The following DEPDC5 variants were observed in gnomAD, a reference collection of about 807,000 sequenced individuals.
The protein encoded by DEPDC5 is GATOR1 complex protein DEPDC5.
A neutral mutation model predicts 217.3 loss-of-function variants in DEPDC5; 73 were observed. That is an observed-to-expected ratio of 0.34 (90% CI 0.28 to 0.41). The LOEUF (loss-of-function observed/expected upper bound fraction) is 0.41, where lower values mean the gene tolerates loss of function less well. Ranked by LOEUF, DEPDC5 falls within the 10% of genes least tolerant of loss-of-function variation. The pLI, the probability that DEPDC5 is intolerant of heterozygous loss-of-function variation, is 1.00. For missense variants in DEPDC5, 1,675 were observed against 2,070.1 expected, an observed-to-expected ratio of 0.81 and a Z score of 3.70; for synonymous variants, 733 against 756.7, an observed-to-expected ratio of 0.97 and a Z score of 0.51.
intron 41 of DEPDC5, among the ~76,000 whole-genome samples, chr22:31,904,910 C>T (rs768378285): frequency 2.6e-5 from 4 of 152,160 alleles, no homozygotes; most frequent in Middle Eastern, 3.2e-3. Context: ...CAACACAGCA[C>T]CTCCCCAAGG....
chr22:31,799,331 C>T (rs2086606131), intron 14 of DEPDC5, among the ~76,000 whole-genome samples: 2 of 149,634 alleles, frequency 1.3e-5, no homozygotes, highest in South Asian at 4.2e-4. Flanking sequence ...GCATGAGCCA[C>T]AGCACCTGGC....
chr22:31,789,593 G>C (rs773549269), intron 10 of DEPDC5, among the ~76,000 whole-genome samples: 9 of 152,114 alleles, frequency 5.9e-5, no homozygotes, highest in Non-Finnish European at 1.2e-4. Context: ...TGTCACGATG[G>C]CAATATTTAT....
At chr22:31,843,859 G>A in intron 29 of DEPDC5, 47 bp downstream of exon 29, 1 of 1,548,862 alleles carries the variant, frequency 6.5e-7, no homozygotes, top group South Asian at 1.2e-5. Flanking sequence ...CTTGGGCAAG[G>A]ATGTGTATGT....
At chr22:31,764,415 T>C (rs372357354) in intron 4 of DEPDC5, among the ~76,000 whole-genome samples, 2 of 152,072 alleles carry the variant, frequency 1.3e-5, no homozygotes, top group East Asian at 3.9e-4. Context: ...TTCCTTCTTA[T>C]TTAATTTATT....
At chr22:31,845,748 C>CGTGT (rs369816632) in intron 30 of DEPDC5, among the ~76,000 whole-genome samples, 23 of 149,474 alleles carry the variant, frequency 1.5e-4, no homozygotes, top group Admixed American at 2.7e-4. Context: ...GTATAATTGA[C>CGTGT]GTGTGTGTGT....
chr22:31,830,238 T>C (rs2090481739), intron 24 of DEPDC5, among the ~76,000 whole-genome samples: 1 of 152,272 alleles, frequency 6.6e-6, no homozygotes, highest in South Asian at 2.1e-4. Flanking sequence ...CTTGAGGTTT[T>C]CAGCCAGAGA....
chr22:31,812,014 C>T (rs1011274522), intron 20 of DEPDC5, among the ~76,000 whole-genome samples: 1 of 150,282 alleles, frequency 6.7e-6, no homozygotes, highest in Non-Finnish European at 1.5e-5. Flanking sequence ...TTCGAGATGG[C>T]GTCTTGCCCT....
chr22:31,755,009 G>A, intron 2 of DEPDC5, 30 bp downstream of exon 2: 1 of 1,613,934 alleles, frequency 6.2e-7, no homozygotes, highest in South Asian at 1.1e-5. Context: ...TAGAGGTTTT[G>A]TAAGTTGGCT....
intron 3 of DEPDC5, among the ~76,000 whole-genome samples, chr22:31,759,041 T>G (rs964127334): frequency 6.6e-6 from 1 of 152,060 alleles, no homozygotes; most frequent in Non-Finnish European, 1.5e-5. Context: ...TAGCTGAGAT[T>G]ACAGGCTCAG....
chr22:31,878,180 C>T (rs1025366213), intron 37 of DEPDC5, among the ~76,000 whole-genome samples: 3 of 148,742 alleles, frequency 2.0e-5, no homozygotes, highest in African/African-American at 7.4e-5. Context: ...AGCGAGACTC[C>T]ATCTCAAAAA....
chr22:31,827,137 G>A lies in DEPDC5; in HGVS notation c.2104+4347G>A, dbSNP rs545487662. ...CTGGGGTTGTTTTTCTAGTCAGGGTGATATTGTTAAGTGGGGTCATCTTTT... is the reference window on the plus strand; with the variant it reads ...CTGGGGTTGTTTTTCTAGTCAGGGTAATATTGTTAAGTGGGGTCATCTTTT... On this transcript the variant is annotated intron_variant, in intron 24 of 42. Coordinates refer to ENST00000651528, the MANE Select transcript of DEPDC5 (RefSeq NM_001242896.3). 2.0e-5 allele frequency among the ~76,000 whole-genome samples: 3 copies of A among 152,120 alleles called. No individual in the cohort carries two copies. In the South Asian group the frequency reaches 6.2e-4, roughly 32 times the overall value.
At chr22:31,839,524 C>CA (rs932950972) in intron 27 of DEPDC5, among the ~76,000 whole-genome samples, 21 of 152,032 alleles carry the variant, frequency 1.4e-4, no homozygotes, top group African/African-American at 4.8e-4. Context: ...CAAGACCCCC[C>CA]CTCCCCTGAT....
At chr22:31,871,870 A>G (rs1569163263) in intron 34 of DEPDC5, among the ~76,000 whole-genome samples, 1 of 152,224 alleles carries the variant, frequency 6.6e-6, no homozygotes, top group South Asian at 2.1e-4. Context: ...AATGGGCTGC[A>G]CTTAGAGGTG....
At chr22:31,898,697 C>T (rs1019765969) in intron 40 of DEPDC5, among the ~76,000 whole-genome samples, 1 of 152,186 alleles carries the variant, frequency 6.6e-6, no homozygotes, top group Non-Finnish European at 1.5e-5. Context: ...ATGGTGCAAA[C>T]AGCTTTTCTT....
At chr22:31,900,280 C>G (rs1017649987) in intron 40 of DEPDC5, among the ~76,000 whole-genome samples, 3 of 151,932 alleles carry the variant, frequency 2.0e-5, no homozygotes, top group Non-Finnish European at 4.4e-5. Flanking sequence ...CTCCTGACCT[C>G]AGGTGATCCA....
At position 31,887,368 on chromosome 22, in the gene DEPDC5, G is replaced by A. The variant is rs149731017; in HGVS notation, c.4034-6214G>A. On this transcript the variant is annotated intron_variant, in intron 38 of 42. Coordinates refer to ENST00000651528, the MANE Select transcript of DEPDC5 (RefSeq NM_001242896.3). ...CAGGAGGCAGAGGTTACAGTGTGCC[G>A]AGATTGCGCCATTGCACTCCAGTCT... Among the ~76,000 whole-genome samples the A allele has an allele frequency of 4.9e-3, 701 of 142,968 alleles. 1 individual carries two copies. Among genetic ancestry groups the A allele is most frequent in the African/African-American group, 0.015 (595 of 38,454 alleles). The allele number at this position is 142,968 out of a possible 152,430, so 93.8% of individuals were successfully genotyped here.
chr22:31,831,712 C>T (rs1043109326), intron 24 of DEPDC5, among the ~76,000 whole-genome samples: 15 of 152,142 alleles, frequency 9.9e-5, no homozygotes, highest in Non-Finnish European at 2.2e-4. Context: ...CCCCCCGCCT[C>T]GGCCTCCCAA....
chr22:31,784,070 C>G, intron 9 of DEPDC5, 85 bp downstream of exon 9: 1 of 1,049,346 alleles, frequency 9.5e-7, no homozygotes, highest in East Asian at 2.5e-5. Context: ...CCCAGGGTCC[C>G]CCACATCATC....
intron 31 of DEPDC5, among the ~76,000 whole-genome samples, chr22:31,851,714 T>C (rs771406595): frequency 1.1e-4 from 16 of 152,290 alleles, no homozygotes; most frequent in Non-Finnish European, 2.1e-4. Flanking sequence ...ACCTTGACTG[T>C]ATGGTATGAG....
Sources: allele counts gnomAD v4.1 joint callset (sites outside exome capture counted in the v4.1 genomes callset), GRCh38; gene constraint gnomAD v4.1.1; transcripts MANE v1.5; gene names NCBI Gene and HGNC (gene_info 2026-07-23, HGNC 2026-07-21).